CBLN2: variants seen among roughly 807,000 people sequenced by gnomAD.
CBLN2 encodes the protein cerebellin-2.
In CBLN2, 7 loss-of-function variants were observed where a neutral mutation model predicts 15.0. The observed-to-expected ratio is 0.47, with a 90% CI of 0.27 to 0.88. CBLN2 has a LOEUF of 0.88. Ranked by LOEUF, CBLN2 falls within the 40% of genes least tolerant of loss-of-function variation. The pLI, the probability that CBLN2 is intolerant of heterozygous loss-of-function variation, is 0.14. For synonymous variants in CBLN2, 149 were observed against 135.2 expected, an observed-to-expected ratio of 1.10 and a Z score of -0.71; for missense variants, 242 against 304.5, an observed-to-expected ratio of 0.79 and a Z score of 1.53.
chr18:72,604,249 T>C (rs2144946277), intron 1 of CBLN2, among the ~76,000 whole-genome samples: 1 of 152,320 alleles, frequency 6.6e-6, no homozygotes, highest in African/African-American at 2.4e-5. Context: ...AAGTGATGCA[T>C]TGCTCTAATT....
intron 1 of CBLN2, among the ~76,000 whole-genome samples, chr18:72,563,652 C>T (rs1324111840): frequency 6.6e-6 from 1 of 152,190 alleles, no homozygotes; most frequent in East Asian, 1.9e-4. Context: ...AGTGCACCAC[C>T]CACAATTCAA....
At chr18:72,564,110 T>G (rs1361826397) in intron 1 of CBLN2, among the ~76,000 whole-genome samples, 1 of 152,094 alleles carries the variant, frequency 6.6e-6, no homozygotes, top group African/African-American at 2.4e-5. Flanking sequence ...TCACCAGATA[T>G]GCGGAAATCA....
At chr18:72,545,954 G>T (rs376659589), upstream of CBLN2, among the ~76,000 whole-genome samples, 13 of 152,262 alleles carry the variant, frequency 8.5e-5, no homozygotes, top group East Asian at 1.4e-3. Context: ...TTATATATAT[G>T]TAGAGACACC....
intron 1 of CBLN2, chr18:72,631,137 TAA>T (rs1042983483): frequency 6.6e-6 from 1 of 152,218 alleles, no homozygotes; most frequent in African/African-American, 2.4e-5. Context: ...ACTTTTTTAG[TAA>T]AGAGACTGCT....
chr18:72,593,690 C>G (rs571153997), intron 1 of CBLN2, among the ~76,000 whole-genome samples: 7 of 152,028 alleles, frequency 4.6e-5, no homozygotes, highest in Admixed American at 3.3e-4. Flanking sequence ...CCTTCTATAC[C>G]CAGTTCTTTG....
At chr18:72,562,413 A>G (rs2069267652) in intron 1 of CBLN2, among the ~76,000 whole-genome samples, 2 of 152,212 alleles carry the variant, frequency 1.3e-5, no homozygotes, top group African/African-American at 4.8e-5. Flanking sequence ...GAAGAAAAAT[A>G]AAACATTTTG....
At chr18:72,601,749 G>A (rs2069549643) in intron 1 of CBLN2, among the ~76,000 whole-genome samples, 1 of 152,118 alleles carries the variant, frequency 6.6e-6, no homozygotes, top group East Asian at 1.9e-4. Flanking sequence ...GGCCTCTCCT[G>A]CCTGGGCCTA....
intron 1 of CBLN2, among the ~76,000 whole-genome samples, chr18:72,563,119 C>A (rs537569661): frequency 2.0e-5 from 3 of 152,096 alleles, no homozygotes; most frequent in Non-Finnish European, 2.9e-5. Context: ...CAAAGACACA[C>A]CTATAGAAAA....
At chr18:72,601,294 A>T (rs982554690) in intron 1 of CBLN2, among the ~76,000 whole-genome samples, 1 of 152,208 alleles carries the variant, frequency 6.6e-6, no homozygotes, top group Non-Finnish European at 1.5e-5. Flanking sequence ...CAACTATGTC[A>T]GATTACTCTT....
chr18:72,636,696 A>G (rs2069815182), intron 1 of CBLN2, among the ~76,000 whole-genome samples: 1 of 152,226 alleles, frequency 6.6e-6, no homozygotes, highest in Non-Finnish European at 1.5e-5. Context: ...TTGAGAAACT[A>G]TATACAATAA....
chr18:72,573,750 G>C (rs1394211400), intron 1 of CBLN2, among the ~76,000 whole-genome samples: 1 of 152,160 alleles, frequency 6.6e-6, no homozygotes, highest in Admixed American at 6.5e-5. Flanking sequence ...GCTGCTATAA[G>C]CATCTATGTG....
rs76874940 is a variant in CBLN2, at chr18:72,622,801, G to T, written c.15+15524C>A. ...CTCAATGGAAAACCGTGTATCACATGCAGTACCCCCCTCCGTGTTATCAGA... is the reference window on the plus strand; with the variant it reads ...CTCAATGGAAAACCGTGTATCACATTCAGTACCCCCCTCCGTGTTATCAGA... On this transcript the variant is annotated intron_variant, in intron 1 of 2. Coordinates refer to the CBLN2 transcript ENST00000581073. Among the ~76,000 whole-genome samples the T allele has an allele frequency of 7.0e-4, 106 of 152,234 alleles. 1 individual carries two copies. The East Asian group carries it at 0.018, about 26-fold the overall frequency.
intron 1 of CBLN2, chr18:72,619,181 T>C (rs2069683250): frequency 8.7e-6 from 7 of 801,658 alleles, no homozygotes; most frequent in Non-Finnish European, 4.2e-6. Context: ...GCTGGGGTGG[T>C]TCCAGTAGCA....
At chr18:72,585,297 C>G (rs1302035400) in intron 1 of CBLN2, among the ~76,000 whole-genome samples, 1 of 152,162 alleles carries the variant, frequency 6.6e-6, no homozygotes, top group Non-Finnish European at 1.5e-5. Context: ...TTTGGCAGGT[C>G]CTGAGTTCCT....
intron 1 of CBLN2, among the ~76,000 whole-genome samples, chr18:72,590,184 G>C (rs900489936): frequency 6.6e-6 from 1 of 152,102 alleles, no homozygotes; most frequent in African/African-American, 2.4e-5. Flanking sequence ...AGAATGGTGT[G>C]AACCCGGGAG....
intron 1 of CBLN2, among the ~76,000 whole-genome samples, chr18:72,624,830 A>T (rs1416040847): frequency 6.6e-6 from 1 of 152,170 alleles, no homozygotes; most frequent in Admixed American, 6.5e-5. Flanking sequence ...TTTACTTTAC[A>T]TACTATTTAA....
intron 1 of CBLN2, among the ~76,000 whole-genome samples, chr18:72,614,311 G>A (rs540464920): frequency 1.3e-5 from 2 of 152,092 alleles, no homozygotes; most frequent in South Asian, 4.2e-4. Context: ...GTAACACATC[G>A]AACTTTTGTA....
chr18:72,582,822 C>A (rs561117010), intron 1 of CBLN2, among the ~76,000 whole-genome samples: 1 of 152,302 alleles, frequency 6.6e-6, no homozygotes, highest in South Asian at 2.1e-4. Context: ...AGTTAGACAG[C>A]AAACAGTCCT....
At chr18:72,568,427 C>A (rs747246296) in intron 1 of CBLN2, among the ~76,000 whole-genome samples, 15 of 151,998 alleles carry the variant, frequency 9.9e-5, no homozygotes, top group Non-Finnish European at 1.6e-4. Flanking sequence ...CAGTAGCTTC[C>A]AAATGACCAC....
Sources: allele counts gnomAD v4.1 joint callset (sites outside exome capture counted in the v4.1 genomes callset), GRCh38; gene constraint gnomAD v4.1.1; transcripts MANE v1.5; gene names NCBI Gene and HGNC (gene_info 2026-07-23, HGNC 2026-07-21).